The following TGFBR1 variants were observed in gnomAD, a reference collection of about 807,000 sequenced individuals.
TGFBR1 encodes transforming growth factor beta receptor 1.
In TGFBR1, 20 loss-of-function variants were observed where a neutral mutation model predicts 55.1. The observed-to-expected ratio is 0.36, with a 90% CI of 0.26 to 0.53. The LOEUF is 0.53. Ranked by LOEUF, TGFBR1 falls within the 20% of genes least tolerant of loss-of-function variation. The probability of loss-of-function intolerance (pLI) is 0.91; values close to 1 mark genes in which losing one functional copy is unlikely to be tolerated. For missense variants in TGFBR1, 385 were observed against 617.6 expected (o/e 0.62, Z 3.99); for synonymous variants, 220 against 214.8 (o/e 1.02, Z -0.21).
At chr9:99,132,042 T>C (rs149629526) in intron 2 of TGFBR1, among the ~76,000 whole-genome samples, 118 of 149,320 alleles carry the variant, frequency 7.9e-4, no homozygotes, top group African/African-American at 2.7e-3. Context: ...ATGTATGTGG[T>C]TTTTTTTTTC....
At chr9:99,117,867 C>CTG (rs1466271350) in intron 1 of TGFBR1, among the ~76,000 whole-genome samples, 1 of 152,112 alleles carries the variant, frequency 6.6e-6, no homozygotes, top group Non-Finnish European at 1.5e-5. Flanking sequence ...TAAAAAAACC[C>CTG]TGTGGGGATT....
rs1827483486 is a variant in TGFBR1, at chr9:99,137,867, T to C, written c.583T>C (p.Leu195=). The change falls in exon 4 of 9, where the codon TTG becomes CTG. Residue 195 remains leucine, a synonymous_variant. Transcript: ENST00000374994. ...TTTATTTTTACCTTTAGGTTTACCATTGCTTGTTCAGAGAACAATTGCGAG... is the reference window on the plus strand; with the variant it reads ...TTTATTTTTACCTTTAGGTTTACCACTGCTTGTTCAGAGAACAATTGCGAG... The part of the protein sequence containing the change: ...TTSGSGSGLP[L]LVQRTIARTI... 6.2e-7 allele frequency: 1 copy of C among 1,613,372 alleles called. No homozygotes were observed. The highest frequency in any genetic ancestry group is 8.5e-7 in the Non-Finnish European group (1 of 1,179,418).
chr9:99,149,241 T>C lies in TGFBR1; in HGVS notation c.1448T>C (p.Leu483Pro). 1 of 1,613,882 alleles carries C rather than the reference T, an allele frequency of 6.2e-7. No homozygotes were observed. The highest frequency in any genetic ancestry group is 8.5e-7 in the Non-Finnish European group (1 of 1,179,842). The change falls in exon 9 of 9, where the codon CTT (leucine) becomes CCT (proline). Residue 483 changes from leucine (L) to proline (P), a missense_variant. Leu to Pro is a moderately conservative substitution (Grantham distance 98). Coordinates refer to ENST00000374994, the MANE Select transcript of TGFBR1 (RefSeq NM_004612.4). The part of the protein sequence containing the change: ...ECWYANGAAR[L>P]TALRIKKTLS... ...TGGTATGCCAATGGAGCAGCTAGGC[T>C]TACAGCATTGCGGATTAAGAAAACA...
chr9:99,147,721 G>A lies in TGFBR1; in HGVS notation c.1323G>A (p.Met441Ile). The A allele has an allele frequency of 6.2e-7, 1 of 1,613,820 alleles. No homozygotes were observed. The change falls in exon 8 of 9, where the codon ATG becomes ATA. Residue 441 changes from methionine to isoleucine, a missense_variant. This residue lies in a region of TGFBR1 where 110 missense variants were observed against 154.6 expected (regional missense o/e 0.71). Transcript: ENST00000374994. ...CTTCTGACCCATCAGTTGAAGAAAT[G>A]AGAAAAGTTGTTTGTGAACAGAAGT... is the stretch of plus-strand genomic sequence containing the variant. ...LVPSDPSVEE[M>I]RKVVCEQKLR... is the part of the protein sequence containing the mutation.
chr9:99,118,766 C>A (rs1393750516), intron 1 of TGFBR1, among the ~76,000 whole-genome samples: 1 of 151,796 alleles, frequency 6.6e-6, no homozygotes, highest in African/African-American at 2.4e-5. Context: ...TGTGCCCCAG[C>A]CTCCCAAATA....
At chr9:99,129,321 A>G (rs1362398097) in intron 2 of TGFBR1, among the ~76,000 whole-genome samples, 1 of 152,206 alleles carries the variant, frequency 6.6e-6, no homozygotes, top group African/African-American at 2.4e-5. Context: ...ACTTCCTCTG[A>G]GGTCTGTTAT....
Position 99,151,108 on chromosome 9 carries a change from A to C in TGFBR1, c.*1803A>C. The C allele has an allele frequency of 4.4e-6, 1 of 228,680 alleles. No homozygotes were observed. The highest frequency in any genetic ancestry group is 2.2e-5 in the African/African-American group (1 of 45,222). The allele number at this position is 228,680 out of a possible 1,614,324, so 14.2% of individuals were successfully genotyped here. On this transcript the variant is annotated 3_prime_UTR_variant, in exon 9 of 9. Transcript: ENST00000374994. The stretch of plus-strand genomic sequence containing the variant: ...ATAATGTCTTATCTCTTATACGTAG[A>C]ATAAATTTGAAAGACTATTTGATCT...
In TGFBR1 at chr9:99,121,327, T is replaced by C. The variant is rs1826892473; in HGVS notation, c.98-7528T>C. Among the ~76,000 whole-genome samples the C allele has an allele frequency of 2.6e-5, 4 of 152,152 alleles. No homozygotes were observed. In the South Asian group the frequency reaches 8.3e-4, roughly 32 times the overall value. ...ACTGAGTATTTTGAGGAACAAAACC[T>C]AGGATAGTAGGCTGGAGGGAATTGG... On this transcript the variant is annotated intron_variant, in intron 1 of 8. Transcript: ENST00000374994.
At chr9:99,142,730 T>C (rs1470981764) in intron 5 of TGFBR1, 27 bp downstream of exon 5, 1 of 1,612,744 alleles carries the variant, frequency 6.2e-7, no homozygotes, top group Non-Finnish European at 8.5e-7. Context: ...TTCTATTATT[T>C]AAGCTTTAAA....
At chr9:99,132,001 C>T (rs370381531) in intron 2 of TGFBR1, among the ~76,000 whole-genome samples, 3 of 149,710 alleles carry the variant, frequency 2.0e-5, no homozygotes, top group African/African-American at 7.3e-5. Context: ...GAGATATATA[C>T]TGAAATGTGA....
chr9:99,140,234 A>AG (rs1344394087), intron 4 of TGFBR1, among the ~76,000 whole-genome samples: 2 of 152,174 alleles, frequency 1.3e-5, no homozygotes, highest in African/African-American at 4.8e-5. Flanking sequence ...GTGGATCACG[A>AG]GGTCAAGAGT....
chr9:99,122,951 G>T (rs1826936373), intron 1 of TGFBR1, among the ~76,000 whole-genome samples: 1 of 152,028 alleles, frequency 6.6e-6, no homozygotes, highest in Non-Finnish European at 1.5e-5. Flanking sequence ...CATGACCTTT[G>T]TTTCATGCTC....
At chr9:99,146,083 T>A (rs334353) in intron 6 of TGFBR1, 2 of 290,192 alleles carry the variant, frequency 6.9e-6, no homozygotes, top group South Asian at 3.3e-5. Flanking sequence ...ACTGGCATTC[T>A]TTTGTATCTA....
At chr9:99,144,918 C>G in intron 6 of TGFBR1, 30 bp downstream of exon 6, 4 of 1,609,854 alleles carry the variant, frequency 2.5e-6, no homozygotes, top group Non-Finnish European at 3.4e-6. Context: ...TATTTAATAT[C>G]TTCTGAAATC....
upstream of TGFBR1, among the ~76,000 whole-genome samples, chr9:99,104,331 G>A (rs1826337494): frequency 6.6e-6 from 1 of 152,216 alleles, no homozygotes; most frequent in Non-Finnish European, 1.5e-5. Flanking sequence ...GGATCGGGAA[G>A]GGGTTTGAGA....
chr9:99,146,672 C>T, intron 7 of TGFBR1, 63 bp downstream of exon 7: 1 of 1,608,356 alleles, frequency 6.2e-7, no homozygotes, highest in East Asian at 2.2e-5. Flanking sequence ...GAATTGTCTT[C>T]TTTTTTTAAT....
chr9:99,116,880 A>T (rs1157212753), intron 1 of TGFBR1, among the ~76,000 whole-genome samples: 1 of 152,222 alleles, frequency 6.6e-6, no homozygotes, highest in African/African-American at 2.4e-5. Context: ...GAGTTCAGTC[A>T]ACACTAGATG....
At chr9:99,104,590 G>A (rs933946501), upstream of TGFBR1, among the ~76,000 whole-genome samples, 1 of 152,142 alleles carries the variant, frequency 6.6e-6, no homozygotes, top group Non-Finnish European at 1.5e-5. Flanking sequence ...TGGACTTGGA[G>A]AGGGGAAGTT....
chr9:99,141,725 A>G (rs1184904280), intron 4 of TGFBR1, among the ~76,000 whole-genome samples: 1 of 152,130 alleles, frequency 6.6e-6, no homozygotes, highest in Non-Finnish European at 1.5e-5. Context: ...TTTTCCAGCT[A>G]CTTCTAGGTT....
Sources: allele counts gnomAD v4.1 joint callset (sites outside exome capture counted in the v4.1 genomes callset), GRCh38; gene constraint gnomAD v4.1.1; regional missense constraint gnomAD v4.1.1; transcripts MANE v1.5; gene names NCBI Gene and HGNC (gene_info 2026-07-23, HGNC 2026-07-21).